Variants in C11orf65 observed in about 807,000 individuals in gnomAD.
C11orf65 encodes chromosome 11 open reading frame 65.
Under a neutral mutation model 35.3 loss-of-function variants are expected in C11orf65, and 38 were observed. That is an observed-to-expected ratio of 1.08 (90% CI 0.83 to 1.41). C11orf65 has a LOEUF of 1.41. C11orf65 is among the 40% of genes most tolerant of loss of function. The pLI is 0.00. For missense variants in C11orf65, 370 were observed against 367.1 expected (o/e 1.01, Z -0.06); for synonymous variants, 105 against 114.4 (o/e 0.92, Z 0.53).
At chr11:108,404,258 G>A (rs12577161) in intron 6 of C11orf65, among the ~76,000 whole-genome samples, 6,633 of 152,218 alleles carry the variant, frequency 0.044, 454 homozygotes, top group Admixed American at 0.18. Flanking sequence ...TAATGTATAT[G>A]GAACTTCCTG....
Position 108,345,797 on chromosome 11 carries a change from C to T in C11orf65, c.227-10505G>A, listed in dbSNP as rs587781363. On this transcript the variant is annotated intron_variant, in intron 2 of 3. Transcript: ENST00000524755. ...ATATGAAGTCTTCATGGATGTTTGC[C>T]AAAATTTTCAACCAGTTTTCCGTTA... The T allele has an allele frequency of 6.2e-7, 1 of 1,613,622 alleles. No individual in the cohort carries two copies. The highest frequency in any genetic ancestry group is 1.1e-5 in the South Asian group (1 of 91,054).
chr11:108,325,424 C>G (rs1442555144), intron 6 of C11orf65: 1 of 1,613,678 alleles, frequency 6.2e-7, no homozygotes, highest in Non-Finnish European at 8.5e-7. Context: ...TACGCACAGT[C>G]ATTTTGGAGA....
At chr11:108,332,250 A>G (rs1210204583) in intron 3 of C11orf65, among the ~76,000 whole-genome samples, 1 of 152,034 alleles carries the variant, frequency 6.6e-6, no homozygotes, top group Non-Finnish European at 1.5e-5. Flanking sequence ...TGACCGACAC[A>G]GCAAAACCCT....
intron 6 of C11orf65, among the ~76,000 whole-genome samples, chr11:108,316,363 TG>T (rs2084650480): frequency 6.7e-6 from 1 of 148,258 alleles, no homozygotes; most frequent in Admixed American, 6.7e-5. Context: ...GTAGATTTCT[TG>T]ATCATAGTGT....
chr11:108,433,361 G>A (rs1024232827), intron 2 of C11orf65, among the ~76,000 whole-genome samples: 1 of 151,718 alleles, frequency 6.6e-6, no homozygotes, highest in African/African-American at 2.4e-5. Context: ...GTGGGATCAT[G>A]AGGTCAGGAG....
chr11:108,418,813 A>G (rs771150515), intron 3 of C11orf65, among the ~76,000 whole-genome samples: 12 of 152,226 alleles, frequency 7.9e-5, no homozygotes, highest in Admixed American at 5.9e-4. Context: ...TAAAATAAAG[A>G]TAACTATTAC....
chr11:108,400,348 A>C (rs1183478944), intron 6 of C11orf65, among the ~76,000 whole-genome samples: 1 of 152,114 alleles, frequency 6.6e-6, no homozygotes, highest in Non-Finnish European at 1.5e-5. Context: ...TTTAGTGTGC[A>C]TTTATCCTAC....
At chr11:108,420,097 T>C (rs2092793933) in intron 3 of C11orf65, among the ~76,000 whole-genome samples, 1 of 148,672 alleles carries the variant, frequency 6.7e-6, no homozygotes, top group South Asian at 2.2e-4. Flanking sequence ...TCTTTCTACA[T>C]AATAGCATCA....
At chr11:108,425,720 C>G (rs2092891715) in intron 3 of C11orf65, among the ~76,000 whole-genome samples, 1 of 152,180 alleles carries the variant, frequency 6.6e-6, no homozygotes. Context: ...GCCAATATAC[C>G]TGATGAACAT....
At chr11:108,366,719 A>C (rs926586432) in intron 2 of C11orf65, 1 of 231,256 alleles carries the variant, frequency 4.3e-6, no homozygotes, top group African/African-American at 2.2e-5. Flanking sequence ...AGGCCAAGGC[A>C]AACACACTTC....
At position 108,406,618 on chromosome 11, in the gene C11orf65, C is replaced by T. The variant is rs941972316; in HGVS notation, c.429+145G>A. The T allele has an allele frequency of 1.8e-5, 9 of 504,710 alleles. 1 individual carries two copies. Among genetic ancestry groups the T allele is most frequent in the South Asian group, 1.8e-4 (5 of 28,060 alleles). The allele number at this position is 504,710 out of a possible 1,614,324, so 31.3% of individuals were successfully genotyped here. The stretch of plus-strand genomic sequence containing the variant: ...CTGTGCCTTGAAGTATTATTAGCAA[C>T]CCCTGAGTAGCTAACTTAAGCAAAA... On this transcript the variant is annotated intron_variant, in intron 5 of 8. Transcript: ENST00000393084.
At chr11:108,362,632 A>G (rs1343502064) in intron 2 of C11orf65, among the ~76,000 whole-genome samples, 1 of 149,866 alleles carries the variant, frequency 6.7e-6, no homozygotes, top group African/African-American at 2.5e-5. Context: ...AAAAATGATG[A>G]GTTCATGTCC....
intron 2 of C11orf65, 53 bp from the exon 3 acceptor site, chr11:108,431,891 C>T (rs2092995623): frequency 8.5e-6 from 10 of 1,174,046 alleles, no homozygotes; most frequent in African/African-American, 1.5e-5. Flanking sequence ...TCTATTTCTA[C>T]TTCGCTTTTT....
intron 2 of C11orf65, among the ~76,000 whole-genome samples, chr11:108,435,812 G>A (rs942115647): frequency 1.3e-5 from 2 of 152,130 alleles, no homozygotes; most frequent in African/African-American, 4.8e-5. Flanking sequence ...GTTAATCATA[G>A]TGTGGTAGGC....
chr11:108,405,649 A>G, intron 5 of C11orf65, 90 bp from the exon 6 acceptor site: 2 of 1,289,002 alleles, frequency 1.6e-6, no homozygotes, highest in Non-Finnish European at 2.2e-6. Flanking sequence ...TGTGTTCAGT[A>G]GGAATATGGC....
At chr11:108,340,938 GT>G (rs563151841) in intron 2 of C11orf65, among the ~76,000 whole-genome samples, 2 of 152,048 alleles carry the variant, frequency 1.3e-5, no homozygotes, top group African/African-American at 2.4e-5. Context: ...TTTTATTGAG[GT>G]TTTTTTGGTG....
In C11orf65 at chr11:108,406,790, G is replaced by T. The variant is rs1246504693; in HGVS notation, c.402C>A (p.Asn134Lys). The T allele has an allele frequency of 1.9e-6, 3 of 1,606,848 alleles. No homozygotes were observed. The African/African-American group carries it at 4.0e-5, about 21-fold the overall frequency. ...TATCAGAAACTGGCCTCCAGCCATT[G>T]TTTTCTATACGATGATACCAGCCAC... ...DHSGWYHRIE[N>K]NGWRPVSDTF... The change falls in exon 5 of 9, where the codon AAC (asparagine) becomes AAA (lysine). Residue 134 changes from asparagine (N) to lysine (K), a missense_variant. Asn to Lys is a moderately conservative substitution (Grantham distance 94, BLOSUM62 0). Coordinates refer to ENST00000393084, the MANE Select transcript of C11orf65 (RefSeq NM_152587.5).
intron 2 of C11orf65, among the ~76,000 whole-genome samples, chr11:108,370,281 A>G (rs924969136): frequency 1.3e-5 from 2 of 152,032 alleles, no homozygotes; most frequent in Admixed American, 1.3e-4. Flanking sequence ...TGATTTTTCT[A>G]TCCAGTAACC....
chr11:108,359,283 C>A (rs888520281), intron 2 of C11orf65, among the ~76,000 whole-genome samples: 12 of 151,516 alleles, frequency 7.9e-5, no homozygotes, highest in East Asian at 1.9e-4. Context: ...CAGGAGCACC[C>A]AGATTCATAA....
Sources: allele counts gnomAD v4.1 joint callset (sites outside exome capture counted in the v4.1 genomes callset), GRCh38; gene constraint gnomAD v4.1.1; transcripts MANE v1.5; gene names NCBI Gene and HGNC (gene_info 2026-07-23, HGNC 2026-07-21).